The following USP40 variants were observed in gnomAD, a reference collection of about 807,000 sequenced individuals.
The protein encoded by USP40 is ubiquitin specific peptidase 40.
A neutral mutation model predicts 166.2 loss-of-function variants in USP40; 143 were observed. The observed-to-expected ratio is 0.86, with a 90% confidence interval of 0.75 to 0.99. USP40 has a LOEUF of 0.99. Ranked by LOEUF, USP40 falls within the 50% of genes least tolerant of loss-of-function variation. USP40 has a pLI of 0.00. For missense variants in USP40, 1,444 were observed against 1,479.7 expected, an observed-to-expected ratio of 0.98 and a Z score of 0.40; for synonymous variants, 498 against 524.0, an observed-to-expected ratio of 0.95 and a Z score of 0.68.
chr2:233,487,991 T>A, intron 28 of USP40: 1 of 662,158 alleles, frequency 1.5e-6, no homozygotes, highest in South Asian at 1.5e-5. Flanking sequence ...AGGGCCATCA[T>A]GGGGTCAATA....
At chr2:233,484,266 T>C (rs1366589531) in intron 30 of USP40, among the ~76,000 whole-genome samples, 4 of 152,220 alleles carry the variant, frequency 2.6e-5, no homozygotes, top group African/African-American at 9.6e-5. Context: ...CATTGGAATT[T>C]CACTGAATTT....
rs568273136 is a variant in USP40, at chr2:233,486,702, C to T, written c.3198-725G>A. Among the ~76,000 whole-genome samples the T allele has an allele frequency of 9.2e-5, 14 of 152,244 alleles. No individual in the cohort carries two copies. The South Asian group carries it at 2.3e-3, about 25-fold the overall frequency. ...GTGTTTTTACCATCAAAAGAGGTCA[C>T]GCAATGAGAAATGAAATGACTGGAA... On this transcript the variant is annotated intron_variant, in intron 28 of 31. Transcript: ENST00000678225. The surrounding 1 kb of genome is among the most constrained non-coding windows in gnomAD (Gnocchi z 4.0).
chr2:233,548,984 T>C (rs1022490842), intron 8 of USP40, 117 bp downstream of exon 8: 1 of 949,644 alleles, frequency 1.1e-6, no homozygotes, highest in African/African-American at 1.7e-5. Flanking sequence ...TTTCAGTGCC[T>C]ATCAAAGTTT....
intron 21 of USP40, among the ~76,000 whole-genome samples, chr2:233,504,855 G>A (rs1575249928): frequency 1.3e-5 from 2 of 151,864 alleles, no homozygotes; most frequent in South Asian, 4.2e-4. Context: ...TAGACCAAAC[G>A]GAGCTAACAG....
chr2:233,502,106 C>A (rs1044665900), intron 21 of USP40, among the ~76,000 whole-genome samples: 1 of 152,144 alleles, frequency 6.6e-6, no homozygotes, highest in Non-Finnish European at 1.5e-5. Context: ...CCACTAATGA[C>A]CCTGACATAA....
intron 18 of USP40, among the ~76,000 whole-genome samples, chr2:233,515,317 AC>A (rs1208183779): frequency 6.6e-6 from 1 of 152,172 alleles, no homozygotes; most frequent in Non-Finnish European, 1.5e-5. Context: ...AAAGTGGCTT[AC>A]CCATTTTACC....
At chr2:233,494,957 TATA>T (rs1559224373) in intron 24 of USP40, among the ~76,000 whole-genome samples, 4 of 14,414 alleles carry the variant, frequency 2.8e-4, no homozygotes, top group African/African-American at 6.9e-4. Context: ...TATATATATT[TATA>T]TATATATATA....
chr2:233,493,324 A>G lies in USP40; in HGVS notation c.2917+101T>C. 1 of 1,506,800 alleles carries G rather than the reference A, an allele frequency of 6.6e-7. No homozygotes were observed. The allele number at this position is 1,506,800 out of a possible 1,614,324, so 93.3% of individuals were successfully genotyped here. ...AATAGGTCTTGATTTTCAAGATCTTACGTTTTAAAAATAAATATATCAATT... is the reference window on the plus strand; with the variant it reads ...AATAGGTCTTGATTTTCAAGATCTTGCGTTTTAAAAATAAATATATCAATT... On this transcript the variant is annotated intron_variant, in intron 25 of 31. Transcript: ENST00000678225. The surrounding 1 kb of genome is among the most constrained non-coding windows in gnomAD (Gnocchi z 4.7).
chr2:233,554,409 T>A lies in USP40; in HGVS notation c.664A>T (p.Thr222Ser), dbSNP rs2070863513. ...GCTGCTTTAACCAGCCTGTCACAAGTTCCACAGTGGTACAAGTTGTCACAA... is the reference window on the plus strand; with the variant it reads ...GCTGCTTTAACCAGCCTGTCACAAGATCCACAGTGGTACAAGTTGTCACAA... ...FDCDNLYHCG[T>S]CDRLVKAAKS... Residue 222 changes from threonine (T) to serine (S), a missense_variant, in exon 6 of 32, where the codon ACT (threonine) becomes TCT (serine). Physicochemically the swap from Thr to Ser is moderately conservative, Grantham distance 58. Transcript: ENST00000678225. The A allele has an allele frequency of 6.2e-7, 1 of 1,612,662 alleles. No individual in the cohort carries two copies. Among genetic ancestry groups the A allele is most frequent in the Non-Finnish European group, 8.5e-7 (1 of 1,179,494 alleles).
chr2:233,521,107 T>C lies in USP40; in HGVS notation c.2209A>G (p.Thr737Ala). Residue 737 changes from threonine to alanine, a missense_variant, in exon 17 of 32, where the codon ACC becomes GCC. By Grantham distance (58) the Thr-to-Ala change is moderately conservative. Transcript: ENST00000678225. ...CTAGTGACCCATTTCTCTTCCTTGG[T>C]CAACAAGCTGTAGGTAAAAAGAAAA... is the stretch of plus-strand genomic sequence containing the variant. ...QDSHDDNSLL[T>A]KEEKWVTSMN... The C allele has an allele frequency of 6.2e-7, 1 of 1,610,546 alleles. No individual in the cohort carries two copies. The highest frequency in any genetic ancestry group is 8.5e-7 in the Non-Finnish European group (1 of 1,178,746).
intron 31 of USP40, among the ~76,000 whole-genome samples, chr2:233,478,847 C>T (rs1226930126): frequency 6.6e-6 from 1 of 152,198 alleles, no homozygotes; most frequent in African/African-American, 2.4e-5. Context: ...TGCCCCTATA[C>T]ACAGGTCTCT....
chr2:233,555,214 C>G (rs1320365637), intron 5 of USP40, among the ~76,000 whole-genome samples: 1 of 152,046 alleles, frequency 6.6e-6, no homozygotes, highest in African/African-American at 2.4e-5. Flanking sequence ...TTACGTTAAG[C>G]TAGGATAAGA....
At chr2:233,488,152 C>T in intron 28 of USP40, 87 bp downstream of exon 28, 1 of 1,121,694 alleles carries the variant, frequency 8.9e-7, no homozygotes, top group Non-Finnish European at 1.3e-6. Context: ...GAAAAAAATG[C>T]TACACTATGA....
chr2:233,529,658 TCA>T (rs1304971721), intron 11 of USP40, 146 bp from the exon 12 acceptor site: 14 of 502,234 alleles, frequency 2.8e-5, no homozygotes, highest in Non-Finnish European at 4.9e-5. Context: ...TCTCAGGATC[TCA>T]GTTTTCCCAT....
In USP40 at chr2:233,477,045, C is replaced by T. The variant is rs1228694299; in HGVS notation, c.*347G>A. ...CCACACACCTCCCACAGCGGAGCAA[C>T]GGCATGCCGCTGCCTCCATACCTGC... On this transcript the variant is annotated 3_prime_UTR_variant, in exon 32 of 32. Transcript: ENST00000678225. 5.7e-6 allele frequency: 2 copies of T among 353,720 alleles called. No individual in the cohort carries two copies. Among genetic ancestry groups the T allele is most frequent in the South Asian group, 2.2e-5 (1 of 45,182 alleles). 21.9% of individuals were successfully genotyped at this position (353,720 alleles called of 1,614,324 possible).
chr2:233,478,602 T>A (rs1305588902), intron 31 of USP40, among the ~76,000 whole-genome samples: 2 of 152,356 alleles, frequency 1.3e-5, no homozygotes, highest in South Asian at 4.1e-4. Flanking sequence ...CCTACAGATA[T>A]ATCCACATCT....
In USP40 at chr2:233,493,638, GA is replaced by G; in HGVS notation, c.2791-88del. On this transcript the variant is annotated intron_variant, in intron 24 of 31. Coordinates refer to ENST00000678225, the MANE Select transcript of USP40 (RefSeq NM_001365479.2). The surrounding 1 kb of genome is among the most constrained non-coding windows in gnomAD (Gnocchi z 4.7). ...CTTCCATAGAAAGAAACACCTTGAT[GA>G]CCTAAGATGTTCTTGAACTTATCAT... 1 of 1,369,794 alleles carries G rather than the reference GA, an allele frequency of 7.3e-7. No homozygotes were observed. 84.9% of individuals were successfully genotyped at this position (1,369,794 alleles called of 1,614,324 possible).
At chr2:233,557,393 C>G (rs2071191218) in intron 4 of USP40, among the ~76,000 whole-genome samples, 3 of 152,166 alleles carry the variant, frequency 2.0e-5, no homozygotes. Context: ...TCACTGAGAT[C>G]AGAGCACATG....
Position 233,529,475 on chromosome 2 carries a change from T to C in USP40, c.1509A>G (p.Leu503=). The change falls in exon 12 of 32, where the codon TTA becomes TTG. Residue 503 remains leucine (L), a synonymous_variant. Transcript: ENST00000678225. ...TGTTAGCTGCATCCATTTCATTCAG[T>C]AAATGACATGGAACCCCATATCTTG... ...ANPRYGVPCH[L]LNEMDAANIE... The C allele has an allele frequency of 1.9e-6, 3 of 1,585,320 alleles. No homozygotes were observed. The highest frequency in any genetic ancestry group is 1.7e-6 in the Non-Finnish European group (2 of 1,163,940).
Sources: allele counts gnomAD v4.1 joint callset (sites outside exome capture counted in the v4.1 genomes callset), GRCh38; gene constraint gnomAD v4.1.1; non-coding constraint Gnocchi (gnomAD v3.1); transcripts MANE v1.5; gene names NCBI Gene and HGNC (gene_info 2026-07-23, HGNC 2026-07-21).